The following PXDNL variants were observed in gnomAD, a reference collection of about 807,000 sequenced individuals.
The protein encoded by PXDNL is peroxidasin like.
PXDNL carries 145 observed loss-of-function variants against 150.8 expected under a neutral mutation model. The ratio of observed to expected loss-of-function variants is 0.96; its 90% confidence interval spans 0.84 to 1.10. The LOEUF is 1.10. Among genes scored for constraint, PXDNL ranks in the 50% least tolerant of loss-of-function variants. The pLI, the probability that PXDNL is intolerant of heterozygous loss-of-function variation, is 0.00. For missense variants in PXDNL, 2,087 were observed against 1,873.9 expected (o/e 1.11, Z -2.10); for synonymous variants, 757 against 725.7 (o/e 1.04, Z -0.69).
At chr8:51,388,449 A>G (rs1287837055) in intron 17 of PXDNL, among the ~76,000 whole-genome samples, 2 of 152,186 alleles carry the variant, frequency 1.3e-5, no homozygotes, top group African/African-American at 4.8e-5. Context: ...AATATCTGCT[A>G]TGCTCATCCT....
At chr8:51,366,638 G>C (rs531758425) in intron 19 of PXDNL, among the ~76,000 whole-genome samples, 14 of 151,926 alleles carry the variant, frequency 9.2e-5, no homozygotes, top group Middle Eastern at 6.8e-3. Flanking sequence ...AATTTGAAGA[G>C]GGAAGCTCTA....
chr8:51,554,392 G>A (rs1042098102), intron 4 of PXDNL, among the ~76,000 whole-genome samples: 1 of 152,166 alleles, frequency 6.6e-6, no homozygotes, highest in South Asian at 2.1e-4. Context: ...ATGGCACCTG[G>A]CTTATTTTAT....
chr8:51,443,198 C>T (rs903389775), intron 12 of PXDNL, among the ~76,000 whole-genome samples: 8 of 151,986 alleles, frequency 5.3e-5, no homozygotes, highest in African/African-American at 1.7e-4. Flanking sequence ...TTATTCATTG[C>T]TTACAAATAT....
chr8:51,451,296 A>G (rs1212548178), intron 10 of PXDNL, among the ~76,000 whole-genome samples: 1 of 152,212 alleles, frequency 6.6e-6, no homozygotes, highest in Non-Finnish European at 1.5e-5. Flanking sequence ...CATTTAAGAA[A>G]ATAGTCAATT....
At chr8:51,409,699 A>G in intron 16 of PXDNL, 138 bp from the exon 17 acceptor site, 1 of 605,978 alleles carries the variant, frequency 1.7e-6, no homozygotes, top group South Asian at 2.4e-5. Context: ...TTCCAAAAAC[A>G]TTTCGTTAGC....
chr8:51,721,645 T>TA (rs200254443), intron 1 of PXDNL: 11,220 of 346,426 alleles, frequency 0.032, 49 homozygotes, highest in Non-Finnish European at 0.041. Context: ...ATAATAAAAT[T>TA]AAAAAAAAAA....
In PXDNL at chr8:51,725,583, C is replaced by T. The variant is rs1816805968; in HGVS notation, c.165-70823G>A. ...CCCGGGAGCGTTGTCCTGGCCTCCA[C>T]CATGGAAGGAGAAGAACATCTCCCA... is the stretch of plus-strand genomic sequence containing the variant. On this transcript the variant is annotated intron_variant, in intron 1 of 22. Coordinates refer to ENST00000356297, the MANE Select transcript of PXDNL (RefSeq NM_144651.5). 2.0e-5 allele frequency among the ~76,000 whole-genome samples: 3 copies of T among 152,130 alleles called. No individual in the cohort carries two copies. The South Asian group carries it at 6.2e-4, about 32-fold the overall frequency.
chr8:51,521,215 C>CT (rs200430398), intron 4 of PXDNL, among the ~76,000 whole-genome samples: 2,309 of 152,128 alleles, frequency 0.015, 29 homozygotes, highest in South Asian at 0.035. Flanking sequence ...GCACTGTAGT[C>CT]TGAGTGACAG....
chr8:51,714,254 CAT>C (rs908068000), intron 1 of PXDNL, among the ~76,000 whole-genome samples: 2 of 152,202 alleles, frequency 1.3e-5, no homozygotes, highest in Non-Finnish European at 2.9e-5. Context: ...TCTTTTGCCA[CAT>C]GGAAGGATGA....
chr8:51,700,758 G>A lies in PXDNL; in HGVS notation c.165-45998C>T, dbSNP rs373310843. Among the ~76,000 whole-genome samples the A allele has an allele frequency of 1.1e-4, 16 of 148,898 alleles. No homozygotes were observed. The South Asian group carries it at 1.3e-3, about 12-fold the overall frequency. ...CACATACACTTATACATACTCATAC[G>A]CACACACATATACACACATACACAC... On this transcript the variant is annotated intron_variant, in intron 1 of 22. Coordinates refer to ENST00000356297, the MANE Select transcript of PXDNL (RefSeq NM_144651.5).
At chr8:51,799,553 C>G (rs541898983) in intron 1 of PXDNL, among the ~76,000 whole-genome samples, 1 of 152,302 alleles carries the variant, frequency 6.6e-6, no homozygotes, top group Non-Finnish European at 1.5e-5. Context: ...CCCATGCAAA[C>G]AGAGTTATAG....
intron 1 of PXDNL, among the ~76,000 whole-genome samples, chr8:51,682,804 G>T (rs1164613589): frequency 6.6e-6 from 1 of 152,022 alleles, no homozygotes; most frequent in Non-Finnish European, 1.5e-5. Context: ...CAATCCAGAG[G>T]TTATCAGCAT....
At chr8:51,700,768 A>C (rs139779865) in intron 1 of PXDNL, among the ~76,000 whole-genome samples, 1 of 152,100 alleles carries the variant, frequency 6.6e-6, no homozygotes, top group East Asian at 1.9e-4. Flanking sequence ...GCACACACAT[A>C]TACACACATA....
rs779174228 is a variant in PXDNL at position 51,396,263 on chromosome 8, G to A, written c.3557+11804C>T. Among the ~76,000 whole-genome samples the A allele has an allele frequency of 8.7e-4, 132 of 152,198 alleles. 1 individual carries two copies. The highest frequency in any genetic ancestry group is 1.5e-3 in the Non-Finnish European group (104 of 68,038). On this transcript the variant is annotated intron_variant, in intron 17 of 22. Coordinates refer to ENST00000356297, the MANE Select transcript of PXDNL (RefSeq NM_144651.5). ...GTTTTTTCTCTTTCCACACGCCAAC[G>A]CCAGATACCTGGTTGCAGGCCTCTG...
chr8:51,659,329 T>A lies in PXDNL; in HGVS notation c.165-4569A>T, dbSNP rs141344447. On this transcript the variant is annotated intron_variant, in intron 1 of 22. Transcript: ENST00000356297. ...ATTTGCTGGGAGGGTTAGACAAGTG[T>A]GTCTGTCTGTCTCCTCTACTCTCCC... 1.6e-3 allele frequency among the ~76,000 whole-genome samples: 243 copies of A among 152,310 alleles called. 1 individual carries two copies. The highest frequency in any genetic ancestry group is 5.4e-3 in the African/African-American group (226 of 41,564).
chr8:51,587,081 G>C (rs1207647838), intron 3 of PXDNL, among the ~76,000 whole-genome samples: 1 of 152,106 alleles, frequency 6.6e-6, no homozygotes, highest in Non-Finnish European at 1.5e-5. Flanking sequence ...GTATTACAGT[G>C]ATTTGATATC....
intron 21 of PXDNL, among the ~76,000 whole-genome samples, chr8:51,334,480 C>T (rs1249490662): frequency 6.6e-6 from 1 of 151,776 alleles, no homozygotes; most frequent in Non-Finnish European, 1.5e-5. Context: ...CAGAGCAGAA[C>T]TAAACAAAAT....
chr8:51,370,077 G>T (rs183727702), intron 19 of PXDNL, among the ~76,000 whole-genome samples: 4 of 152,234 alleles, frequency 2.6e-5, no homozygotes, highest in Admixed American at 2.6e-4. Flanking sequence ...CAGGTCAGCT[G>T]TGGGACCTTA....
intron 1 of PXDNL, among the ~76,000 whole-genome samples, chr8:51,711,223 C>G (rs754631947): frequency 9.9e-5 from 15 of 152,186 alleles, no homozygotes; most frequent in Non-Finnish European, 1.9e-4. Flanking sequence ...TCACTGCAAC[C>G]ACCTTTCAGA....
Sources: allele counts gnomAD v4.1 joint callset (sites outside exome capture counted in the v4.1 genomes callset), GRCh38; gene constraint gnomAD v4.1.1; transcripts MANE v1.5; gene names NCBI Gene and HGNC (gene_info 2026-07-23, HGNC 2026-07-21).